CNTN4: variants seen among roughly 807,000 people sequenced by gnomAD.
The protein encoded by CNTN4 is contactin-4.
In CNTN4, 77 loss-of-function variants were observed where a neutral mutation model predicts 122.5. That is an observed-to-expected ratio of 0.63 (90% confidence interval 0.52 to 0.76). CNTN4 has a LOEUF of 0.76. Ranked by LOEUF, CNTN4 falls within the 30% of genes least tolerant of loss-of-function variation. The probability of loss-of-function intolerance (pLI) is 0.00; values close to 1 mark genes in which losing one functional copy is unlikely to be tolerated. For missense variants in CNTN4, 1,256 were observed against 1,259.1 expected (o/e 1.00, Z 0.04); for synonymous variants, 512 against 447.0 (o/e 1.15, Z -1.83).
At chr3:2,594,033 CTTATT>C (rs2080633980) in intron 4 of CNTN4, among the ~76,000 whole-genome samples, 1 of 152,096 alleles carries the variant, frequency 6.6e-6, no homozygotes, top group Admixed American at 6.6e-5. Flanking sequence ...AAGACCTTGA[CTTATT>C]TGAGAACAGC....
At chr3:2,246,844 G>A (rs1049985902) in intron 2 of CNTN4, among the ~76,000 whole-genome samples, 6 of 151,856 alleles carry the variant, frequency 4.0e-5, no homozygotes, top group African/African-American at 7.3e-5. Context: ...GGGAATGTTC[G>A]TGGAATGAGT....
At chr3:2,374,835 C>T (rs1238364006) in intron 3 of CNTN4, among the ~76,000 whole-genome samples, 2 of 152,120 alleles carry the variant, frequency 1.3e-5, no homozygotes, top group Non-Finnish European at 2.9e-5. Flanking sequence ...ATTCTTCACC[C>T]TTAGCAATGC....
At chr3:2,265,754 A>T (rs1189714444) in intron 2 of CNTN4, among the ~76,000 whole-genome samples, 1 of 103,256 alleles carries the variant, frequency 9.7e-6, no homozygotes, top group Non-Finnish European at 2.3e-5. Context: ...TCAGTGTTTT[A>T]TATATATATA....
intron 6 of CNTN4, among the ~76,000 whole-genome samples, chr3:2,815,627 C>T (rs1249443693): frequency 2.0e-5 from 3 of 150,984 alleles, no homozygotes; most frequent in African/African-American, 7.3e-5. Flanking sequence ...ACTTCTACAC[C>T]ACTGGTGGGA....
intron 3 of CNTN4, among the ~76,000 whole-genome samples, chr3:2,357,055 T>A (rs2044902694): frequency 6.6e-6 from 1 of 152,150 alleles, no homozygotes; most frequent in Admixed American, 6.5e-5. Context: ...TTCTCAAACT[T>A]AAAAGCGCTT....
chr3:2,155,999 G>C (rs1056588477), intron 2 of CNTN4, among the ~76,000 whole-genome samples: 1 of 152,062 alleles, frequency 6.6e-6, no homozygotes, highest in Non-Finnish European at 1.5e-5. Context: ...GGTTAGCTCG[G>C]GTTGCTTTTT....
At chr3:2,103,516 G>A (rs1193225177) in intron 2 of CNTN4, among the ~76,000 whole-genome samples, 3 of 152,052 alleles carry the variant, frequency 2.0e-5, no homozygotes, top group Admixed American at 1.3e-4. Flanking sequence ...TGGGAGTCTT[G>A]CGCTACCACT....
chr3:2,183,961 C>A (rs2037135553), intron 2 of CNTN4, among the ~76,000 whole-genome samples: 1 of 151,954 alleles, frequency 6.6e-6, no homozygotes, highest in African/African-American at 2.4e-5. Context: ...ATTTTGTTCA[C>A]ATAAACTGAA....
At chr3:2,700,129 G>A (rs566473366) in intron 4 of CNTN4, among the ~76,000 whole-genome samples, 12 of 152,220 alleles carry the variant, frequency 7.9e-5, no homozygotes, top group African/African-American at 2.6e-4. Context: ...GTGCCTGAAG[G>A]CAATGCAACT....
intron 2 of CNTN4, among the ~76,000 whole-genome samples, chr3:2,212,077 A>C (rs1386391524): frequency 6.6e-6 from 1 of 152,082 alleles, no homozygotes; most frequent in South Asian, 2.1e-4. Flanking sequence ...GGGCTCAAGC[A>C]ATCCTTCTAC....
chr3:2,951,077 G>A (rs1368460435), intron 13 of CNTN4, among the ~76,000 whole-genome samples: 2 of 152,072 alleles, frequency 1.3e-5, no homozygotes, highest in African/African-American at 4.8e-5. Context: ...TCTTAGAAAG[G>A]GTTATATGAG....
At chr3:2,297,989 C>G (rs976032561) in intron 2 of CNTN4, among the ~76,000 whole-genome samples, 1 of 152,176 alleles carries the variant, frequency 6.6e-6, no homozygotes, top group East Asian at 1.9e-4. Flanking sequence ...GCCTTGGCCT[C>G]CCAAAGGGTT....
intron 3 of CNTN4, among the ~76,000 whole-genome samples, chr3:2,365,683 G>A (rs530141852): frequency 2.0e-5 from 3 of 152,214 alleles, no homozygotes; most frequent in East Asian, 3.9e-4. Context: ...CCTCTTTTGT[G>A]TGAATATCTT....
intron 2 of CNTN4, among the ~76,000 whole-genome samples, chr3:2,199,080 AT>A (rs1432626208): frequency 2.0e-5 from 3 of 152,206 alleles, no homozygotes; most frequent in Non-Finnish European, 4.4e-5. Context: ...AAGCAGTATA[AT>A]TAGCTCATTG....
intron 7 of CNTN4, among the ~76,000 whole-genome samples, chr3:2,828,766 G>A (rs561514213): frequency 6.6e-6 from 1 of 152,072 alleles, no homozygotes; most frequent in Non-Finnish European, 1.5e-5. Flanking sequence ...CTTGTGACAG[G>A]ATCTCACTCT....
At chr3:2,122,139 A>C (rs1357450981) in intron 2 of CNTN4, among the ~76,000 whole-genome samples, 9 of 148,208 alleles carry the variant, frequency 6.1e-5, no homozygotes, top group Non-Finnish European at 1.3e-4. Flanking sequence ...TGGGCGACAG[A>C]GCGACACTCC....
chr3:2,108,185 A>G (rs1363594565), intron 2 of CNTN4, among the ~76,000 whole-genome samples: 2 of 92,892 alleles, frequency 2.2e-5, no homozygotes, highest in Non-Finnish European at 4.3e-5. Context: ...TTTTTTTTTC[A>G]TGACTGTTTA....
intron 2 of CNTN4, among the ~76,000 whole-genome samples, chr3:2,146,343 C>A (rs148273804): frequency 6.6e-6 from 1 of 150,986 alleles, no homozygotes; most frequent in Non-Finnish European, 1.5e-5. Flanking sequence ...TAAAGGTAAC[C>A]TGAGTAATAT....
At chr3:2,599,622 G>A (rs1395067919) in intron 4 of CNTN4, among the ~76,000 whole-genome samples, 1 of 152,098 alleles carries the variant, frequency 6.6e-6, no homozygotes, top group Non-Finnish European at 1.5e-5. Flanking sequence ...TCTGTATTAC[G>A]GCTATCTTTT....
Sources: gnomAD v4.1 joint callset for allele counts (sites outside exome capture counted in the v4.1 genomes callset) on GRCh38, gnomAD v4.1.1 for gene constraint, MANE v1.5 for transcripts, NCBI Gene and HGNC (gene_info 2026-07-23, HGNC 2026-07-21) for gene names.